The following TXNDC11 variants were observed in gnomAD, a reference collection of about 807,000 sequenced individuals.
The protein encoded by TXNDC11 is thioredoxin domain-containing protein 11.
Under a neutral mutation model 78.0 loss-of-function variants are expected in TXNDC11, and 68 were observed. That is an observed-to-expected ratio of 0.87 (90% CI 0.72 to 1.07). The LOEUF is 1.07. TXNDC11 is among the 50% of genes least tolerant of loss of function. TXNDC11 has a pLI of 0.00. For synonymous variants in TXNDC11, 571 were observed against 495.2 expected (o/e 1.15, Z -2.03); for missense variants, 1,389 against 1,221.8 (o/e 1.14, Z -2.04).
intron 7 of TXNDC11, among the ~76,000 whole-genome samples, chr16:11,692,548 A>T (rs7194022): frequency 0.085 from 12,886 of 152,150 alleles, 1,175 homozygotes; most frequent in African/African-American, 0.21. Flanking sequence ...AGAGGTAAGG[A>T]TGTTAAGATC....
chr16:11,708,230 G>C (rs980085008), intron 5 of TXNDC11, among the ~76,000 whole-genome samples: 2 of 152,198 alleles, frequency 1.3e-5, no homozygotes, highest in Non-Finnish European at 2.9e-5. Context: ...AAATCCAGCA[G>C]CCAGCAAGTC....
chr16:11,716,136 A>T (rs1357643263), intron 5 of TXNDC11, among the ~76,000 whole-genome samples: 1 of 152,260 alleles, frequency 6.6e-6, no homozygotes, highest in African/African-American at 2.4e-5. Context: ...CCTCACCAGG[A>T]GCAGACAAAG....
In TXNDC11 at chr16:11,728,479, A is replaced by G. The variant is rs994389947; in HGVS notation, c.699+2166T>C. 7.9e-5 allele frequency among the ~76,000 whole-genome samples: 12 copies of G among 152,190 alleles called. 1 individual carries two copies. The South Asian group carries it at 2.1e-3, about 26-fold the overall frequency. On this transcript the variant is annotated intron_variant, in intron 4 of 11. Coordinates refer to ENST00000283033, the MANE Select transcript of TXNDC11 (RefSeq NM_015914.7). ...GATCTAGGGACCCCATCTTGGTAGC[A>G]CTCTTGTGGTTCCCATTTTAAAGGC...
chr16:11,729,421 A>G (rs2051978811), intron 4 of TXNDC11, among the ~76,000 whole-genome samples: 1 of 151,606 alleles, frequency 6.6e-6, no homozygotes, highest in Admixed American at 6.6e-5. Flanking sequence ...ATAACTAGAT[A>G]TACTGCTGCT....
At chr16:11,700,133 C>T (rs574498306) in intron 6 of TXNDC11, among the ~76,000 whole-genome samples, 5 of 152,316 alleles carry the variant, frequency 3.3e-5, no homozygotes, top group African/African-American at 4.8e-5. Context: ...TCTGAAAACA[C>T]GGGCTCAGAG....
In TXNDC11 at chr16:11,700,484, C is replaced by T. The variant is rs2050981607; in HGVS notation, c.874G>A (p.Val292Met). 1.9e-6 allele frequency: 3 copies of T among 1,585,264 alleles called. No homozygotes were observed. Among genetic ancestry groups the T allele is most frequent in the Non-Finnish European group, 2.6e-6 (3 of 1,155,858 alleles). The change falls in exon 6 of 12, where the codon GTG becomes ATG. Residue 292 changes from valine to methionine, a missense_variant. Coordinates refer to ENST00000283033, the MANE Select transcript of TXNDC11 (RefSeq NM_015914.7). ...GTGTTGAAATGTCTATGTAAATACACACTTCCAGAGTGTACTAAGGATACC... is the reference window on the plus strand; with the variant it reads ...GTGTTGAAATGTCTATGTAAATACATACTTCCAGAGTGTACTAAGGATACC... ...KLVSLVHSGS[V>M]YLHRHFNTSL...
intron 7 of TXNDC11, among the ~76,000 whole-genome samples, chr16:11,697,201 A>T (rs7205167): frequency 0.37 from 56,747 of 152,012 alleles, 12,090 homozygotes; most frequent in Non-Finnish European, 0.49. Context: ...AGGGAATCAT[A>T]ACTTGAGCAA....
intron 7 of TXNDC11, among the ~76,000 whole-genome samples, chr16:11,694,485 T>C (rs2142000553): frequency 6.6e-6 from 1 of 151,338 alleles, no homozygotes; most frequent in South Asian, 2.1e-4. Flanking sequence ...TTTGCTCCAG[T>C]TGCACAGGCT....
rs1247394153 is a variant in TXNDC11, at chr16:11,679,958, T to C, written c.2235-121A>G. ...CCAAGAAAAGACGTTCCGTGGATTT[T>C]ACTTACTGAAAGTAAGGAAAATGTT... is the stretch of plus-strand genomic sequence containing the variant. On this transcript the variant is annotated intron_variant, in intron 11 of 11. Transcript: ENST00000283033. The surrounding 1 kb of genome is among the most constrained non-coding windows in gnomAD (Gnocchi z 4.6). The C allele has an allele frequency of 1.1e-6, 1 of 890,972 alleles. No individual in the cohort carries two copies. The highest frequency in any genetic ancestry group is 2.5e-5 in the East Asian group (1 of 39,672). 55.2% of individuals were successfully genotyped at this position (890,972 alleles called of 1,614,324 possible).
chr16:11,730,866 A>T, intron 3 of TXNDC11, 92 bp from the exon 4 acceptor site: 1 of 987,456 alleles, frequency 1.0e-6, no homozygotes, highest in Non-Finnish European at 1.4e-6. Flanking sequence ...CATCACCACC[A>T]CAAAATGAAA....
At chr16:11,735,905 G>A in intron 2 of TXNDC11, 112 bp downstream of exon 2, 1 of 959,174 alleles carries the variant, frequency 1.0e-6, no homozygotes, top group South Asian at 1.4e-5. Context: ...AACGACTCCT[G>A]GAGTTCACCT....
chr16:11,708,396 G>A lies in TXNDC11; in HGVS notation c.794-7832C>T, dbSNP rs188518824. On this transcript the variant is annotated intron_variant, in intron 5 of 11. Transcript: ENST00000283033. Reference sequence around the variant, plus strand: ...GTGGGGCTCTAGACCTATGACTCTAGCCTGAGCTTCTGAAATTAATTCTCT... The same window carrying A: ...GTGGGGCTCTAGACCTATGACTCTAACCTGAGCTTCTGAAATTAATTCTCT... Among the ~76,000 whole-genome samples, 12 of 152,268 alleles carry A rather than the reference G, an allele frequency of 7.9e-5. No homozygotes were observed. In the East Asian group the frequency reaches 2.3e-3, roughly 29 times the overall value.
intron 8 of TXNDC11, among the ~76,000 whole-genome samples, chr16:11,690,334 T>C (rs952651908): frequency 1.3e-5 from 2 of 152,254 alleles, no homozygotes; most frequent in Non-Finnish European, 2.9e-5. Flanking sequence ...TTTCTCATCA[T>C]GGAGCCTTAC....
At chr16:11,720,678 A>G (rs1335812182) in intron 5 of TXNDC11, among the ~76,000 whole-genome samples, 4 of 151,584 alleles carry the variant, frequency 2.6e-5, no homozygotes, top group Admixed American at 2.6e-4. Context: ...TGACCTTCCA[A>G]AGTGTTGGGA....
intron 6 of TXNDC11, among the ~76,000 whole-genome samples, chr16:11,700,164 A>G (rs1341763576): frequency 6.6e-6 from 1 of 152,256 alleles, no homozygotes; most frequent in Admixed American, 6.5e-5. Flanking sequence ...TCAAGAGAGT[A>G]ACTCTGCAAT....
At chr16:11,717,288 T>C (rs1442920192) in intron 5 of TXNDC11, among the ~76,000 whole-genome samples, 1 of 150,058 alleles carries the variant, frequency 6.7e-6, no homozygotes, top group African/African-American at 2.4e-5. Flanking sequence ...TAGGCGGGCG[T>C]GGTAGTGGGC....
At chr16:11,688,545 T>G in intron 8 of TXNDC11, 100 bp from the exon 9 acceptor site, 2 of 1,007,202 alleles carry the variant, frequency 2.0e-6, no homozygotes, top group Non-Finnish European at 2.8e-6. Flanking sequence ...AATGACTTCA[T>G]AGGCTCACAT....
intron 4 of TXNDC11, among the ~76,000 whole-genome samples, chr16:11,730,282 TA>T (rs1393932710): frequency 6.6e-6 from 1 of 152,212 alleles, no homozygotes; most frequent in Admixed American, 6.5e-5. Context: ...AGAAACCAGG[TA>T]TCTCATAGTA....
At chr16:11,724,894 C>CG (rs1274683141) in intron 4 of TXNDC11, among the ~76,000 whole-genome samples, 1 of 152,056 alleles carries the variant, frequency 6.6e-6, no homozygotes, top group Non-Finnish European at 1.5e-5. Context: ...TACAGGCGCC[C>CG]GCCACCACAT....
Sources: gnomAD v4.1 joint callset for allele counts (sites outside exome capture counted in the v4.1 genomes callset) on GRCh38, gnomAD v4.1.1 for gene constraint, Gnocchi (gnomAD v3.1) non-coding constraint, MANE v1.5 for transcripts, NCBI Gene and HGNC (gene_info 2026-07-23, HGNC 2026-07-21) for gene names.